The following LIPC variants were observed in gnomAD, a reference collection of about 807,000 sequenced individuals.
The protein encoded by LIPC is lipase C, hepatic type, also known as hepatic triacylglycerol lipase.
In LIPC, 44 loss-of-function variants were observed where a neutral mutation model predicts 50.7. That is an observed-to-expected ratio of 0.87 (90% CI 0.68 to 1.11). The LOEUF (loss-of-function observed/expected upper bound fraction) is 1.11. Ranked by LOEUF, LIPC falls within the 50% of genes most tolerant of loss-of-function variation. LIPC has a pLI of 0.00. For synonymous variants in LIPC, 271 were observed against 256.4 expected, an observed-to-expected ratio of 1.06 and a Z score of -0.54; for missense variants, 697 against 648.2, an observed-to-expected ratio of 1.08 and a Z score of -0.82.
intron 1 of LIPC, chr15:58,498,692 T>G (rs1315141311): frequency 6.6e-6 from 1 of 152,122 alleles, no homozygotes; most frequent in Non-Finnish European, 1.5e-5. Flanking sequence ...CCAGAAGCCC[T>G]CACCTGCAGA....
chr15:58,519,410 C>CAA (rs11432168), intron 1 of LIPC, among the ~76,000 whole-genome samples: 18,470 of 131,482 alleles, frequency 0.14, 1,520 homozygotes, highest in Non-Finnish European at 0.19. Flanking sequence ...GACTCTGTCT[C>CAA]AAAAAAAAAA....
intron 2 of LIPC, 107 bp downstream of exon 2, chr15:58,538,624 C>T: frequency 1.8e-6 from 2 of 1,081,364 alleles, no homozygotes; most frequent in Non-Finnish European, 2.8e-6. Context: ...ATAACAACTC[C>T]ATGCATAATG....
intron 1 of LIPC, chr15:58,454,899 T>TA (rs1894052455): frequency 6.6e-6 from 1 of 152,272 alleles, no homozygotes; most frequent in South Asian, 2.1e-4. Context: ...GCCATTATTT[T>TA]AAAATTACAT....
intron 1 of LIPC, among the ~76,000 whole-genome samples, chr15:58,496,859 A>G (rs577544339): frequency 6.6e-6 from 1 of 151,284 alleles, no homozygotes; most frequent in East Asian, 2.0e-4. Flanking sequence ...TCATTTTTGT[A>G]TTTTTAGTAG....
intron 1 of LIPC, among the ~76,000 whole-genome samples, chr15:58,442,905 A>C (rs945485224): frequency 2.0e-4 from 31 of 151,968 alleles, no homozygotes; most frequent in African/African-American, 7.0e-4. Context: ...GAGATATCTC[A>C]TTTGGTTTGG....
intron 1 of LIPC, among the ~76,000 whole-genome samples, chr15:58,498,125 TA>T (rs1891838509): frequency 6.6e-6 from 1 of 152,092 alleles, no homozygotes; most frequent in South Asian, 2.1e-4. Flanking sequence ...AGAAAGTGAT[TA>T]ACAGGAAAGG....
chr15:58,506,998 G>C (rs1892173887), intron 1 of LIPC, among the ~76,000 whole-genome samples: 1 of 152,210 alleles, frequency 6.6e-6, no homozygotes, highest in Non-Finnish European at 1.5e-5. Context: ...GGTAGGGGAA[G>C]CTCCTTATAA....
intron 8 of LIPC, chr15:58,565,338 G>T (rs1894328185): frequency 1.3e-6 from 2 of 1,531,896 alleles, no homozygotes; most frequent in Non-Finnish European, 1.7e-6. Context: ...AGTTTAGGTG[G>T]CTGCTCACCC....
intron 5 of LIPC, among the ~76,000 whole-genome samples, chr15:58,547,911 C>G: frequency 6.6e-6 from 1 of 152,068 alleles, no homozygotes; most frequent in Non-Finnish European, 1.5e-5. Context: ...CAAGCCTGTT[C>G]CAGAAAACCC....
intron 1 of LIPC, among the ~76,000 whole-genome samples, chr15:58,505,046 C>T (rs1187106607): frequency 6.6e-6 from 1 of 152,232 alleles, no homozygotes; most frequent in Non-Finnish European, 1.5e-5. Context: ...ACCACCAAGG[C>T]AAAGAGAATG....
At position 58,533,279 on chromosome 15, in the gene LIPC, T is replaced by C. The variant is rs1404618783; in HGVS notation, c.89-5054T>C. On this transcript the variant is annotated intron_variant, in intron 1 of 8. Transcript: ENST00000299022. ...AAGCATATCCTTTCCTCACAGCTTATCATAGAGTGGCCAGGTTTAAATGAG... is the reference window on the plus strand; with the variant it reads ...AAGCATATCCTTTCCTCACAGCTTACCATAGAGTGGCCAGGTTTAAATGAG... 7.1e-6 allele frequency: 4 copies of C among 565,470 alleles called. No individual in the cohort carries two copies. In the African/African-American group the frequency reaches 8.2e-5, roughly 12 times the overall value. The allele number at this position is 565,470 out of a possible 1,614,324, so 35.0% of individuals were successfully genotyped here.
chr15:58,472,283 A>AAAG (rs1477195117), intron 1 of LIPC, among the ~76,000 whole-genome samples: 1 of 151,014 alleles, frequency 6.6e-6, no homozygotes, highest in Admixed American at 6.6e-5. Flanking sequence ...AAAAAAAAAA[A>AAAG]AAAAAAAAAA....
intron 1 of LIPC, among the ~76,000 whole-genome samples, chr15:58,439,441 TTTTG>T (rs773203638): frequency 7.2e-4 from 109 of 152,214 alleles, no homozygotes; most frequent in African/African-American, 2.4e-3. Context: ...AGGCTGCTTT[TTTTG>T]TTTGTTTGTT....
rs1294037906 is a variant in LIPC at position 58,569,504 on chromosome 15, T to A, written c.*677T>A. The A allele has an allele frequency of 1.3e-5, 2 of 152,214 alleles. No homozygotes were observed. The highest frequency in any genetic ancestry group is 2.4e-5 in the African/African-American group (1 of 41,462). The allele number at this position is 152,214 out of a possible 1,614,324, so 9.4% of individuals were successfully genotyped here. A position where few individuals can be genotyped will look rare whatever the true frequency, so the allele number is the denominator to read the frequency against. On this transcript the variant is annotated 3_prime_UTR_variant, in exon 9 of 9. Coordinates refer to ENST00000299022, the MANE Select transcript of LIPC (RefSeq NM_000236.3). ...TAATGCTTGCAACAAAAGCTAATTT[T>A]AAAAACTTGGAATGTCTCAAAGCAT...
At chr15:58,476,168 C>T (rs1481103536) in intron 1 of LIPC, among the ~76,000 whole-genome samples, 2 of 152,238 alleles carry the variant, frequency 1.3e-5, no homozygotes, top group East Asian at 1.9e-4. Context: ...GTCTTCAGCT[C>T]GGAAGTAGTG....
At chr15:58,515,713 G>C (rs1892465133) in intron 1 of LIPC, among the ~76,000 whole-genome samples, 1 of 151,970 alleles carries the variant, frequency 6.6e-6, no homozygotes, top group African/African-American at 2.4e-5. Context: ...ATTAGATCTG[G>C]AGGAAAAAAA....
chr15:58,492,416 T>C (rs1328574140), intron 1 of LIPC, among the ~76,000 whole-genome samples: 2 of 152,214 alleles, frequency 1.3e-5, no homozygotes, highest in African/African-American at 2.4e-5. Flanking sequence ...TGTAATAGCT[T>C]ATCTTTATTC....
chr15:58,525,387 T>C (rs922879137), intron 1 of LIPC, among the ~76,000 whole-genome samples: 1 of 152,236 alleles, frequency 6.6e-6, no homozygotes, highest in Admixed American at 6.5e-5. Context: ...TCTTCCCCCA[T>C]AGTCCTTTTT....
chr15:58,486,262 C>T (rs575771289), intron 1 of LIPC, among the ~76,000 whole-genome samples: 199 of 152,300 alleles, frequency 1.3e-3, no homozygotes, highest in African/African-American at 4.6e-3. Flanking sequence ...CCTCCCCCAT[C>T]TCCTCAGGCT....
Sources: allele counts gnomAD v4.1 joint callset (sites outside exome capture counted in the v4.1 genomes callset), GRCh38; gene constraint gnomAD v4.1.1; transcripts MANE v1.5; gene names NCBI Gene and HGNC (gene_info 2026-07-23, HGNC 2026-07-21).